Variants in SRPK2 observed in about 807,000 individuals in gnomAD.
The protein encoded by SRPK2 is SFRS protein kinase 2.
Under a neutral mutation model 90.8 loss-of-function variants are expected in SRPK2, and 21 were observed. The ratio of observed to expected loss-of-function variants is 0.23; its 90% CI spans 0.16 to 0.33. The LOEUF is 0.33. SRPK2 is among the 10% of genes least tolerant of loss of function. SRPK2 has a pLI of 1.00. For synonymous variants in SRPK2, 288 were observed against 311.1 expected (o/e 0.93, Z 0.78); for missense variants, 620 against 869.0 (o/e 0.71, Z 3.60).
At chr7:105,118,535 CATAACAGA>C (rs1287360455) in intron 15 of SRPK2, among the ~76,000 whole-genome samples, 1 of 152,078 alleles carries the variant, frequency 6.6e-6, no homozygotes, top group Non-Finnish European at 1.5e-5. Context: ...CTTTGGTTGA[CATAACAGA>C]ATGACTAACA....
chr7:105,265,076 T>A (rs1804855700), intron 2 of SRPK2, among the ~76,000 whole-genome samples: 1 of 152,106 alleles, frequency 6.6e-6, no homozygotes, highest in South Asian at 2.1e-4. Context: ...ATTAAACAGT[T>A]CTCCCAATAA....
rs748741366 is a variant in SRPK2 at position 105,126,344 on chromosome 7, T to C, written c.1823-4A>G. 16 of 1,609,550 alleles carry C rather than the reference T, an allele frequency of 9.9e-6. No individual in the cohort carries two copies. The highest frequency in any genetic ancestry group is 1.6e-4 in the Middle Eastern group (1 of 6,074). ...TCTATGATGTGGGCTATGTGGTCTA[T>C]GGAGGAGAGAAAAAAAGGATATGGG... On this transcript the variant is annotated splice_polypyrimidine_tract_variant and splice_region_variant and intron_variant, in intron 14 of 15. Transcript: ENST00000393651.
chr7:105,335,521 G>C (rs1275506634), intron 2 of SRPK2, among the ~76,000 whole-genome samples: 1 of 151,942 alleles, frequency 6.6e-6, no homozygotes, highest in Non-Finnish European at 1.5e-5. Context: ...ATTGGTCATG[G>C]TGTTGTCTGT....
intron 14 of SRPK2, among the ~76,000 whole-genome samples, chr7:105,126,701 A>C (rs1284723998): frequency 2.0e-5 from 3 of 152,226 alleles, no homozygotes; most frequent in African/African-American, 7.2e-5. Flanking sequence ...TAGAGGCTTC[A>C]GGTCTGTATC....
upstream of SRPK2, among the ~76,000 whole-genome samples, chr7:105,391,903 A>G (rs1295475888): frequency 3.3e-5 from 5 of 152,248 alleles, no homozygotes; most frequent in Non-Finnish European, 5.9e-5. Flanking sequence ...ATCTTTGTAC[A>G]TGAGTGTTCA....
chr7:105,317,584 T>C (rs1372246415), intron 2 of SRPK2, among the ~76,000 whole-genome samples: 1 of 152,320 alleles, frequency 6.6e-6, no homozygotes, highest in East Asian at 1.9e-4. Flanking sequence ...AAAGAAAATA[T>C]ACAAGAACAC....
intron 2 of SRPK2, among the ~76,000 whole-genome samples, chr7:105,267,218 A>T (rs1035189286): frequency 6.6e-6 from 1 of 152,214 alleles, no homozygotes; most frequent in African/African-American, 2.4e-5. Flanking sequence ...AATGTATTTT[A>T]ACCAGAAAAC....
At chr7:105,271,862 G>T (rs1805875887) in intron 2 of SRPK2, among the ~76,000 whole-genome samples, 1 of 152,014 alleles carries the variant, frequency 6.6e-6, no homozygotes, top group Admixed American at 6.6e-5. Context: ...TTATTTTTCT[G>T]CAATAAAGTC....
intron 2 of SRPK2, among the ~76,000 whole-genome samples, chr7:105,362,378 C>A (rs531014640): frequency 1.3e-5 from 2 of 151,984 alleles, no homozygotes; most frequent in African/African-American, 4.8e-5. Flanking sequence ...GAGGCCAAGG[C>A]GGGTGGATCA....
chr7:105,388,604 C>A (rs1292968780), intron 2 of SRPK2, 44 bp downstream of exon 2: 1 of 1,522,102 alleles, frequency 6.6e-7, no homozygotes, highest in Non-Finnish European at 8.9e-7. Context: ...GCGCCCCCGA[C>A]GGGGCGGGGG....
chr7:105,214,950 C>T (rs1797274295), intron 2 of SRPK2, among the ~76,000 whole-genome samples: 1 of 152,142 alleles, frequency 6.6e-6, no homozygotes, highest in African/African-American at 2.4e-5. Flanking sequence ...AAACTTACTA[C>T]AAAGCTATAG....
intron 2 of SRPK2, among the ~76,000 whole-genome samples, chr7:105,270,014 C>T (rs546924700): frequency 6.6e-6 from 1 of 151,960 alleles, no homozygotes; most frequent in East Asian, 1.9e-4. Flanking sequence ...AAAATGTTGA[C>T]TATATAAATC....
In SRPK2 at chr7:105,306,835, G is replaced by C. The variant is rs180800601; in HGVS notation, c.71+81813C>G. On this transcript the variant is annotated intron_variant, in intron 2 of 15. Transcript: ENST00000393651. ...TTTTGTAGAAGAAAACAATACAAAG[G>C]AGGAGACATGGCTAAATATGGGGGA... Among the ~76,000 whole-genome samples, 25 of 152,292 alleles carry C rather than the reference G, an allele frequency of 1.6e-4. No homozygotes were observed. In the East Asian group the frequency reaches 3.9e-3, roughly 24 times the overall value.
At chr7:105,346,117 C>T (rs975519444) in intron 2 of SRPK2, among the ~76,000 whole-genome samples, 1 of 152,174 alleles carries the variant, frequency 6.6e-6, no homozygotes, top group Non-Finnish European at 1.5e-5. Context: ...TACTTTATAT[C>T]AAAGCTGTAA....
chr7:105,338,243 T>TTTTTG (rs565409043), intron 2 of SRPK2, among the ~76,000 whole-genome samples: 1 of 152,102 alleles, frequency 6.6e-6, no homozygotes, highest in Non-Finnish European at 1.5e-5. Context: ...GTTACAAGTT[T>TTTTTG]TTTTGTTTTG....
chr7:105,345,533 G>A (rs1007028176), intron 2 of SRPK2, among the ~76,000 whole-genome samples: 4 of 152,130 alleles, frequency 2.6e-5, no homozygotes, highest in African/African-American at 9.7e-5. Context: ...TCATTATAAG[G>A]AAAACACATT....
intron 7 of SRPK2, among the ~76,000 whole-genome samples, chr7:105,151,749 C>A (rs1194331539): frequency 4.0e-5 from 6 of 151,602 alleles, no homozygotes; most frequent in South Asian, 2.1e-4. Flanking sequence ...GGTTGGCTGG[C>A]ACGATGGCTC....
At chr7:105,132,746 GA>G (rs1802202314) in intron 13 of SRPK2, 44 bp downstream of exon 13, 2 of 1,483,134 alleles carry the variant, frequency 1.3e-6, no homozygotes, top group East Asian at 4.8e-5. Flanking sequence ...AGTGTGAAAG[GA>G]ACGAGCCAAT....
At chr7:105,250,658 T>G (rs1014768297) in intron 2 of SRPK2, among the ~76,000 whole-genome samples, 1 of 152,240 alleles carries the variant, frequency 6.6e-6, no homozygotes, top group Non-Finnish European at 1.5e-5. Context: ...TCAGTAGATC[T>G]ACTTTAAAAA....
Sources: gnomAD v4.1 joint callset for allele counts (sites outside exome capture counted in the v4.1 genomes callset) on GRCh38, gnomAD v4.1.1 for gene constraint, MANE v1.5 for transcripts, NCBI Gene and HGNC (gene_info 2026-07-23, HGNC 2026-07-21) for gene names.